Variants in SMYD3 observed in about 807,000 individuals in gnomAD.
The protein encoded by SMYD3 is histone-lysine N-methyltransferase SMYD3.
Under a neutral mutation model 57.7 loss-of-function variants are expected in SMYD3, and 36 were observed. That is an observed-to-expected ratio of 0.62 (90% CI 0.48 to 0.82). The LOEUF (loss-of-function observed/expected upper bound fraction) is 0.82, where lower values mean the gene tolerates loss of function less well. Ranked by LOEUF, SMYD3 falls within the 40% of genes least tolerant of loss-of-function variation. The pLI, the probability that SMYD3 is intolerant of heterozygous loss-of-function variation, is 0.00. For synonymous variants in SMYD3, 211 were observed against 195.0 expected, an observed-to-expected ratio of 1.08 and a Z score of -0.68; for missense variants, 515 against 538.8, an observed-to-expected ratio of 0.96 and a Z score of 0.44.
rs147224790 is a variant in SMYD3 at position 246,250,270 on chromosome 1, T to C, written c.531+76931A>G. Among the ~76,000 whole-genome samples, 9 of 152,318 alleles carry C rather than the reference T, an allele frequency of 5.9e-5. No homozygotes were observed. The East Asian group carries it at 1.7e-3, about 29-fold the overall frequency. On this transcript the variant is annotated intron_variant, in intron 5 of 11. Coordinates refer to ENST00000490107, the MANE Select transcript of SMYD3 (RefSeq NM_001167740.2). Reference sequence around the variant, plus strand: ...AGTCCAACATTCAAATCTTCAATTGTTGCTTGACAAACTCAGTTATCATGG... The same window carrying C: ...AGTCCAACATTCAAATCTTCAATTGCTGCTTGACAAACTCAGTTATCATGG...
intron 8 of SMYD3, among the ~76,000 whole-genome samples, chr1:245,901,649 A>C (rs2054190005): frequency 1.2e-4 from 1 of 8,220 alleles, no homozygotes; most frequent in African/African-American, 1.3e-4. Context: ...CATCTCCTCC[A>C]CCAAAAAGAA....
chr1:246,242,665 G>C (rs2063634273), intron 5 of SMYD3, among the ~76,000 whole-genome samples: 2 of 152,044 alleles, frequency 1.3e-5, no homozygotes, highest in African/African-American at 4.8e-5. Flanking sequence ...ATTGGATAAA[G>C]AGTCAAGACC....
Position 246,062,200 on chromosome 1 carries a change from C to T in SMYD3, c.532-132263G>A, listed in dbSNP as rs1475070043. On this transcript the variant is annotated intron_variant, in intron 5 of 11. Coordinates refer to ENST00000490107, the MANE Select transcript of SMYD3 (RefSeq NM_001167740.2). ...CACATCATTGACTTAAAGATCGTCA[C>T]CATTCATTGTTCCTGAGTGGGGAGA... Among the ~76,000 whole-genome samples, 3 of 86,998 alleles carry T rather than the reference C, an allele frequency of 3.4e-5. No homozygotes were observed. The Admixed American group carries it at 3.5e-4, about 10-fold the overall frequency. The allele number at this position is 86,998 out of a possible 152,430, so 57.1% of individuals were successfully genotyped here. A position where few individuals can be genotyped will look rare whatever the true frequency, so the allele number is the denominator to read the frequency against.
intron 10 of SMYD3, among the ~76,000 whole-genome samples, chr1:245,857,379 A>G (rs2051299998): frequency 6.8e-6 from 1 of 146,746 alleles, no homozygotes; most frequent in Admixed American, 6.8e-5. Context: ...AATATCCTAG[A>G]CCCTGGACTC....
intron 1 of SMYD3, among the ~76,000 whole-genome samples, chr1:246,376,588 C>CAAAA (rs1572436809): frequency 1.6e-5 from 1 of 62,210 alleles, no homozygotes; most frequent in Non-Finnish European, 3.0e-5. Context: ...GACACTCCAT[C>CAAAA]TAAAAAAAAA....
At chr1:246,452,218 C>A (rs2067642706) in intron 1 of SMYD3, among the ~76,000 whole-genome samples, 1 of 152,182 alleles carries the variant, frequency 6.6e-6, no homozygotes, top group African/African-American at 2.4e-5. Flanking sequence ...TCAAATCTCA[C>A]TTGCGGGCCA....
intron 8 of SMYD3, among the ~76,000 whole-genome samples, chr1:245,880,811 G>A (rs1004466705): frequency 1.3e-5 from 2 of 152,182 alleles, no homozygotes; most frequent in Admixed American, 6.5e-5. Flanking sequence ...TTGTTCCAAG[G>A]GGCAGAACTA....
At chr1:245,779,124 C>T (rs2046728861) in intron 10 of SMYD3, among the ~76,000 whole-genome samples, 1 of 149,488 alleles carries the variant, frequency 6.7e-6, no homozygotes, top group Admixed American at 6.7e-5. Context: ...TGGGCCACTG[C>T]ACTCCAGCTT....
At chr1:246,187,093 C>G (rs745787910) in intron 5 of SMYD3, 19 of 244,118 alleles carry the variant, frequency 7.8e-5, no homozygotes, top group Non-Finnish European at 1.1e-4. Flanking sequence ...GTCAAAAGAT[C>G]TGCGTTTAAG....
At chr1:246,442,084 G>C (rs1165342135) in intron 1 of SMYD3, among the ~76,000 whole-genome samples, 1 of 152,184 alleles carries the variant, frequency 6.6e-6, no homozygotes, top group African/African-American at 2.4e-5. Context: ...TCACCACCAT[G>C]AACTATATCA....
intron 5 of SMYD3, among the ~76,000 whole-genome samples, chr1:246,189,570 C>T (rs370385491): frequency 1.3e-5 from 2 of 152,106 alleles, no homozygotes; most frequent in East Asian, 1.9e-4. Context: ...TTTAAAGACA[C>T]AGGAGAGGCT....
At chr1:245,850,594 G>A (rs568222587) in intron 10 of SMYD3, among the ~76,000 whole-genome samples, 18 of 152,170 alleles carry the variant, frequency 1.2e-4, no homozygotes, top group East Asian at 3.9e-4. Context: ...TCATCTACTC[G>A]AGAGGCTGAG....
chr1:246,254,599 G>A (rs1004310079), intron 5 of SMYD3, among the ~76,000 whole-genome samples: 6 of 152,252 alleles, frequency 3.9e-5, no homozygotes, highest in South Asian at 2.1e-4. Flanking sequence ...TTTTTGCTTA[G>A]GATTGCTTTG....
At chr1:246,076,361 A>T (rs569447914) in intron 5 of SMYD3, among the ~76,000 whole-genome samples, 15 of 152,224 alleles carry the variant, frequency 9.9e-5, no homozygotes, top group Non-Finnish European at 1.8e-4. Flanking sequence ...TTGTCTACAC[A>T]TTCACCCACA....
At chr1:246,083,089 C>T (rs866893114) in intron 5 of SMYD3, among the ~76,000 whole-genome samples, 17 of 152,024 alleles carry the variant, frequency 1.1e-4, no homozygotes, top group South Asian at 1.0e-3. Context: ...GACCGTCCCC[C>T]AGCCCGACAC....
intron 1 of SMYD3, among the ~76,000 whole-genome samples, chr1:246,480,798 T>C (rs2068089791): frequency 1.3e-5 from 2 of 152,124 alleles, no homozygotes; most frequent in Non-Finnish European, 2.9e-5. Context: ...AAAAGATCTT[T>C]TTTTTTTCTT....
chr1:245,755,882 T>A (rs2045584399), intron 11 of SMYD3, among the ~76,000 whole-genome samples: 3 of 151,976 alleles, frequency 2.0e-5, no homozygotes, highest in Admixed American at 2.0e-4. Flanking sequence ...GCAATTTACA[T>A]CTTTTACATA....
intron 5 of SMYD3, among the ~76,000 whole-genome samples, chr1:246,208,842 A>G (rs12134404): frequency 0.39 from 59,432 of 151,570 alleles, 12,806 homozygotes; most frequent in East Asian, 0.79. Context: ...CAGCATGTGG[A>G]ATGGGGGAAA....
rs564134494 is a variant in SMYD3 at position 246,488,545 on chromosome 1, G to T, written c.164+18509C>A. ...CCACTAAAAATACAAAATTAGCCAG[G>T]TGTGGTGGTGCATGCCTATAGTCTC... On this transcript the variant is annotated intron_variant, in intron 1 of 11. Coordinates refer to ENST00000490107, the MANE Select transcript of SMYD3 (RefSeq NM_001167740.2). Among the ~76,000 whole-genome samples, 5 of 152,324 alleles carry T rather than the reference G, an allele frequency of 3.3e-5. No homozygotes were observed. The East Asian group carries it at 9.6e-4, about 29-fold the overall frequency.
Sources: gnomAD v4.1 joint callset for allele counts (sites outside exome capture counted in the v4.1 genomes callset) on GRCh38, gnomAD v4.1.1 for gene constraint, MANE v1.5 for transcripts, NCBI Gene and HGNC (gene_info 2026-07-23, HGNC 2026-07-21) for gene names.